SPATA13: variants seen among roughly 807,000 people sequenced by gnomAD.
SPATA13 encodes the protein spermatogenesis associated 13.
SPATA13 carries 50 observed loss-of-function variants against 104.0 expected under a neutral mutation model. That is an observed-to-expected ratio of 0.48 (90% confidence interval 0.38 to 0.61). SPATA13 has a LOEUF of 0.61. Ranked by LOEUF, SPATA13 falls within the 20% of genes least tolerant of loss-of-function variation. The pLI, the probability that SPATA13 is intolerant of heterozygous loss-of-function variation, is 0.00. For missense variants in SPATA13, 1,524 were observed against 1,690.6 expected (o/e 0.90, Z 1.73); for synonymous variants, 606 against 667.5 (o/e 0.91, Z 1.42).
intron 1 of SPATA13, among the ~76,000 whole-genome samples, chr13:24,211,477 G>A (rs1027992894): frequency 6.7e-6 from 1 of 149,852 alleles, no homozygotes; most frequent in Non-Finnish European, 1.5e-5. Context: ...GTTGAATTTT[G>A]TCAAAGGCTT....
chr13:23,990,019 G>A (rs528088628), intron 2 of SPATA13, among the ~76,000 whole-genome samples: 6 of 152,250 alleles, frequency 3.9e-5, no homozygotes, highest in African/African-American at 1.4e-4. Context: ...AGCCACCCAG[G>A]TTATGGTATT....
intron 5 of SPATA13, 105 bp downstream of exon 5, chr13:24,284,376 G>C: frequency 8.1e-7 from 1 of 1,227,756 alleles, no homozygotes; most frequent in Non-Finnish European, 1.1e-6. Context: ...AAGCATGTCC[G>C]AAAACCTGGA....
intron 2 of SPATA13, among the ~76,000 whole-genome samples, chr13:23,984,149 G>A (rs1875040312): frequency 6.6e-6 from 1 of 152,226 alleles, no homozygotes; most frequent in South Asian, 2.1e-4. Context: ...GGTCTAGGGC[G>A]AAGCCTGCAG....
At chr13:24,278,938 T>G (rs1208883792) in intron 4 of SPATA13, 6 of 856,654 alleles carry the variant, frequency 7.0e-6, no homozygotes, top group Non-Finnish European at 9.9e-6. Context: ...CTTTCCTTCC[T>G]TCCTTCCTTC....
intron 1 of SPATA13, among the ~76,000 whole-genome samples, chr13:24,185,946 G>A (rs1425984052): frequency 6.6e-6 from 1 of 151,998 alleles, no homozygotes; most frequent in African/African-American, 2.4e-5. Context: ...TGAATCTTAT[G>A]GCAATCTTAA....
chr13:24,170,942 C>T (rs1386197491), intron 1 of SPATA13, among the ~76,000 whole-genome samples: 1 of 152,000 alleles, frequency 6.6e-6, no homozygotes, highest in Non-Finnish European at 1.5e-5. Flanking sequence ...TGTCCAGTGG[C>T]CAGTTACACT....
At chr13:24,009,081 A>G (rs1436000577) in intron 2 of SPATA13, among the ~76,000 whole-genome samples, 1 of 152,068 alleles carries the variant, frequency 6.6e-6, no homozygotes, top group Non-Finnish European at 1.5e-5. Context: ...GGTACCCAAG[A>G]ACTCTGCCAG....
intron 3 of SPATA13, among the ~76,000 whole-genome samples, chr13:24,152,705 T>C (rs1373005104): frequency 6.6e-6 from 1 of 152,214 alleles, no homozygotes; most frequent in Admixed American, 6.5e-5. Flanking sequence ...CATCACCCGT[T>C]CTTCAAATAT....
chr13:24,189,305 A>G (rs111255242), intron 1 of SPATA13, among the ~76,000 whole-genome samples: 18 of 151,880 alleles, frequency 1.2e-4, no homozygotes, highest in African/African-American at 4.1e-4. Flanking sequence ...CCCCGTCTCT[A>G]CTAGAAATAC....
intron 2 of SPATA13, among the ~76,000 whole-genome samples, chr13:24,230,833 C>A (rs901139645): frequency 5.9e-5 from 9 of 152,130 alleles, no homozygotes; most frequent in African/African-American, 1.9e-4. Context: ...GCCTCGCTTA[C>A]AGCTGTGAAT....
At chr13:24,127,286 GA>G (rs752904873) in intron 3 of SPATA13, among the ~76,000 whole-genome samples, 3 of 152,200 alleles carry the variant, frequency 2.0e-5, no homozygotes, top group Non-Finnish European at 2.9e-5. Context: ...GGCATTGCCA[GA>G]ACCTGCCTTG....
intron 3 of SPATA13, among the ~76,000 whole-genome samples, chr13:24,099,611 A>T (rs1468541706): frequency 6.6e-6 from 1 of 152,200 alleles, no homozygotes; most frequent in Admixed American, 6.5e-5. Context: ...GAGGGCCCAC[A>T]GCCCCCCGGG....
chr13:24,129,417 C>T (rs769640981), intron 3 of SPATA13, among the ~76,000 whole-genome samples: 24 of 152,200 alleles, frequency 1.6e-4, no homozygotes, highest in Non-Finnish European at 3.2e-4. Flanking sequence ...TCCAGAGAAT[C>T]GTTGAGGATG....
At chr13:24,276,214 A>G (rs1192541961) in intron 4 of SPATA13, among the ~76,000 whole-genome samples, 2 of 152,258 alleles carry the variant, frequency 1.3e-5, no homozygotes, top group Admixed American at 6.5e-5. Flanking sequence ...TTCACCCACA[A>G]ACAGGTAAAC....
intron 3 of SPATA13, among the ~76,000 whole-genome samples, chr13:24,155,279 A>C (rs371976712): frequency 1.3e-5 from 2 of 152,222 alleles, no homozygotes; most frequent in East Asian, 3.8e-4. Flanking sequence ...CTCCATCCCC[A>C]GTGACAGAGA....
intron 1 of SPATA13, among the ~76,000 whole-genome samples, chr13:23,983,393 AT>A (rs1416653483): frequency 6.6e-6 from 1 of 152,164 alleles, no homozygotes; most frequent in Non-Finnish European, 1.5e-5. Flanking sequence ...TTATACCTCA[AT>A]TACCGCTATG....
At chr13:24,212,462 C>T (rs558899768) in intron 1 of SPATA13, among the ~76,000 whole-genome samples, 8 of 152,242 alleles carry the variant, frequency 5.3e-5, no homozygotes, top group Admixed American at 2.0e-4. Flanking sequence ...ATGTAACCAC[C>T]CCAGGGGCAA....
At chr13:24,270,803 C>T (rs2138695019) in intron 4 of SPATA13, 1 of 1,612,194 alleles carries the variant, frequency 6.2e-7, no homozygotes, top group South Asian at 1.1e-5. Context: ...TGGGGACCGG[C>T]TCCTCGGTCA....
intron 3 of SPATA13, among the ~76,000 whole-genome samples, chr13:24,076,127 G>C (rs149166484): frequency 6.6e-6 from 1 of 152,174 alleles, no homozygotes; most frequent in African/African-American, 2.4e-5. Context: ...AAGGTAATAA[G>C]CACCACTGAT....
Sources: gnomAD v4.1 joint callset for allele counts (sites outside exome capture counted in the v4.1 genomes callset) on GRCh38, gnomAD v4.1.1 for gene constraint, MANE v1.5 for transcripts, NCBI Gene and HGNC (gene_info 2026-07-23, HGNC 2026-07-21) for gene names.